The following CAMK2A variants were observed in gnomAD, a reference collection of about 807,000 sequenced individuals.
CAMK2A encodes the protein calcium/calmodulin dependent protein kinase II alpha, also known as calcium/calmodulin-dependent protein kinase type II subunit alpha.
CAMK2A carries 7 observed loss-of-function variants against 79.2 expected under a neutral mutation model. The ratio of observed to expected loss-of-function variants is 0.09; its 90% CI spans 0.05 to 0.17. The LOEUF (loss-of-function observed/expected upper bound fraction) is 0.17, where lower values mean the gene tolerates loss of function less well. CAMK2A is among the 10% of genes least tolerant of loss of function. The pLI is 1.00. For synonymous variants in CAMK2A, 242 were observed against 251.7 expected (o/e 0.96, Z 0.36); for missense variants, 214 against 646.4 (o/e 0.33, Z 7.25).
Position 150,244,090 on chromosome 5 carries a change from G to C in CAMK2A, c.984+1071C>G, listed in dbSNP as rs369412621. On this transcript the variant is annotated intron_variant, in intron 13 of 18. Transcript: ENST00000671881. ...CCAAGATGAGAAGGGAGAATGATTA[G>C]ATAGGATTTTATTGCTTTTTTTGTT... Among the ~76,000 whole-genome samples, 19 of 152,114 alleles carry C rather than the reference G, an allele frequency of 1.2e-4. No homozygotes were observed. The East Asian group carries it at 3.7e-3, about 29-fold the overall frequency.
chr5:150,251,840 G>A lies in CAMK2A; in HGVS notation c.603C>T (p.Val201=). Residue 201 remains valine (V), a synonymous_variant, in exon 9 of 19, where the codon GTC becomes GTT. Transcript: ENST00000671881. ...GKPVDLWACG[V]ILYILLVGYP... ...ACCCAACCAGCAGGATGTACAGGAT[G>A]ACCCCTGGAAAGAGGACCAGAGAAC... 1.9e-6 allele frequency: 3 copies of A among 1,598,476 alleles called. No homozygotes were observed. Among genetic ancestry groups the A allele is most frequent in the Non-Finnish European group, 2.6e-6 (3 of 1,171,702 alleles).
rs756378845 is a variant in CAMK2A at position 150,273,176 on chromosome 5, G to T, written c.63-17C>A. ...AAGGCTCCCCTAGGAGGACAGAGAAGGTGGAGAGGGTGAGGGAATGCCTGA... is the reference window on the plus strand; with the variant it reads ...AAGGCTCCCCTAGGAGGACAGAGAATGTGGAGAGGGTGAGGGAATGCCTGA... On this transcript the variant is annotated splice_polypyrimidine_tract_variant and intron_variant, in intron 1 of 18. Coordinates refer to ENST00000671881, the MANE Select transcript of CAMK2A (RefSeq NM_015981.4). 2 of 1,593,964 alleles carry T rather than the reference G, an allele frequency of 1.3e-6. No homozygotes were observed. The highest frequency in any genetic ancestry group is 1.1e-5 in the South Asian group (1 of 90,630).
intron 16 of CAMK2A, among the ~76,000 whole-genome samples, chr5:150,228,733 A>G (rs1433769031): frequency 6.6e-6 from 1 of 152,102 alleles, no homozygotes; most frequent in African/African-American, 2.4e-5. Context: ...CTTTTCCTTC[A>G]CATAAAAGTG....
At chr5:150,264,505 T>C (rs1756423785) in intron 3 of CAMK2A, among the ~76,000 whole-genome samples, 1 of 152,218 alleles carries the variant, frequency 6.6e-6, no homozygotes, top group Admixed American at 6.5e-5. Flanking sequence ...CCATGCAGCC[T>C]GTGCCCGGCC....
rs748564351 is a variant in CAMK2A, at chr5:150,289,759, G to C, written c.-134C>G. The C allele has an allele frequency of 3.0e-6, 2 of 655,846 alleles. No homozygotes were observed. Among genetic ancestry groups the C allele is most frequent in the Non-Finnish European group, 5.3e-6 (2 of 377,374 alleles). The allele number at this position is 655,846 out of a possible 1,614,324, so 40.6% of individuals were successfully genotyped here. A position where few individuals can be genotyped will look rare whatever the true frequency, so the allele number is the denominator to read the frequency against. On this transcript the variant is annotated 5_prime_UTR_variant, in exon 1 of 19. Coordinates refer to ENST00000671881, the MANE Select transcript of CAMK2A (RefSeq NM_015981.4). ...CAAACAGAGAACCGGTTTGACTGAC[G>C]AGCCCGGGGCTTCTGAGCAGGGCAC...
chr5:150,228,321 G>GT, intron 16 of CAMK2A, 35 bp from the exon 17 acceptor site: 6 of 1,524,266 alleles, frequency 3.9e-6, no homozygotes, highest in Non-Finnish European at 5.4e-6. Flanking sequence ...GAGGGACTGG[G>GT]GCGGCTTCTC....
At position 150,221,458 on chromosome 5, in the gene CAMK2A, G is replaced by A. The variant is rs1432567801; in HGVS notation, c.*1252C>T. 3 of 398,544 alleles carry A rather than the reference G, an allele frequency of 7.5e-6. No individual in the cohort carries two copies. Among genetic ancestry groups the A allele is most frequent in the Admixed American group, 8.8e-5 (2 of 22,706 alleles). The allele number at this position is 398,544 out of a possible 1,614,324, so 24.7% of individuals were successfully genotyped here. A position where few individuals can be genotyped will look rare whatever the true frequency, so the allele number is the denominator to read the frequency against. On this transcript the variant is annotated 3_prime_UTR_variant, in exon 19 of 19. Transcript: ENST00000671881. ...GAGGTGGGTGGGGGGTGCTGGGGGC[G>A]GCACACAGATATGGTGAGATGAAAT...
chr5:150,275,550 C>T (rs1002190313), intron 1 of CAMK2A, among the ~76,000 whole-genome samples: 3 of 152,142 alleles, frequency 2.0e-5, no homozygotes, highest in Non-Finnish European at 4.4e-5. Flanking sequence ...CTCAGGTTAC[C>T]CACAATTCTG....
chr5:150,273,246 C>A, intron 1 of CAMK2A, 87 bp from the exon 2 acceptor site: 1 of 986,764 alleles, frequency 1.0e-6, no homozygotes, highest in Non-Finnish European at 1.6e-6. Context: ...CACTGCCCCA[C>A]GCTAGACAGA....
chr5:150,257,980 A>G (rs1385745320), intron 3 of CAMK2A, among the ~76,000 whole-genome samples: 1 of 152,230 alleles, frequency 6.6e-6, no homozygotes, highest in Admixed American at 6.5e-5. Flanking sequence ...GCAAGTTGCT[A>G]GGCCTTTCTG....
chr5:150,271,854 T>C (rs1223615462), intron 2 of CAMK2A, among the ~76,000 whole-genome samples: 1 of 152,200 alleles, frequency 6.6e-6, no homozygotes, highest in Non-Finnish European at 1.5e-5. Flanking sequence ...CGGTGTCTTG[T>C]TAAAATGCAG....
intron 17 of CAMK2A, among the ~76,000 whole-genome samples, chr5:150,226,358 AG>A (rs1359474456): frequency 6.6e-6 from 1 of 152,102 alleles, no homozygotes; most frequent in Non-Finnish European, 1.5e-5. Context: ...TATGATGAAG[AG>A]CTGGACTAGA....
chr5:150,278,876 G>A (rs1463051419), intron 1 of CAMK2A, among the ~76,000 whole-genome samples: 1 of 152,170 alleles, frequency 6.6e-6, no homozygotes, highest in African/African-American at 2.4e-5. Flanking sequence ...CCCTAGGTAT[G>A]AGGCGTGCAT....
In CAMK2A at chr5:150,284,562, C is replaced by G. The variant is rs983279485; in HGVS notation, c.62+5002G>C. The stretch of plus-strand genomic sequence containing the variant: ...GTCTCAGCCTGTGTGGGGGCGGCTG[C>G]GCGGGGGCGGAGGGCTGCAGCGTGC... On this transcript the variant is annotated intron_variant, in intron 1 of 18. Transcript: ENST00000671881. This position sits in a 1 kb window ranked among gnomAD's most constrained non-coding sequence, Gnocchi z 5.3. Among the ~76,000 whole-genome samples, 1 of 152,006 alleles carries G rather than the reference C, an allele frequency of 6.6e-6. No homozygotes were observed. Among genetic ancestry groups the G allele is most frequent in the African/African-American group, 2.4e-5 (1 of 41,386 alleles).
chr5:150,255,372 C>A (rs549936925), intron 6 of CAMK2A, among the ~76,000 whole-genome samples: 2 of 151,628 alleles, frequency 1.3e-5, no homozygotes, highest in African/African-American at 4.8e-5. Context: ...CTCTTCAGAG[C>A]ATTGTGCCCC....
At chr5:150,222,851 G>T in intron 18 of CAMK2A, 138 bp from the exon 19 acceptor site, 3 of 1,383,696 alleles carry the variant, frequency 2.2e-6, no homozygotes, top group Non-Finnish European at 3.1e-6. Flanking sequence ...TGCAGGCCTG[G>T]CCCCCTTCTT....
At position 150,256,650 on chromosome 5, in the gene CAMK2A, GGA is replaced by G. The variant is rs765207733; in HGVS notation, c.339-7_339-6del. 4 of 1,613,540 alleles carry G rather than the reference GGA, an allele frequency of 2.5e-6. No homozygotes were observed. The highest frequency in any genetic ancestry group is 3.4e-6 in the Non-Finnish European group (4 of 1,179,538). On this transcript the variant is annotated splice_polypyrimidine_tract_variant and splice_region_variant and intron_variant, in intron 5 of 18. Coordinates refer to ENST00000671881, the MANE Select transcript of CAMK2A (RefSeq NM_015981.4). The surrounding 1 kb of genome is among the most constrained non-coding windows in gnomAD (Gnocchi z 4.6). ...AGGATCTGCTGGATACAGTGACTAGGGAGAGAGAGAGGAAGGGGTCATGGTGG... is the reference window on the plus strand; with the variant it reads ...AGGATCTGCTGGATACAGTGACTAGGGAGAGAGAGGAAGGGGTCATGGTGG...
Position 150,225,227 on chromosome 5 carries a change from G to T in CAMK2A, c.1238-2010C>A, listed in dbSNP as rs570652552. Among the ~76,000 whole-genome samples the T allele has an allele frequency of 1.3e-4, 20 of 152,270 alleles. No homozygotes were observed. The South Asian group carries it at 4.1e-3, about 32-fold the overall frequency. On this transcript the variant is annotated intron_variant, in intron 17 of 18. Coordinates refer to ENST00000671881, the MANE Select transcript of CAMK2A (RefSeq NM_015981.4). ...GGGGCACTGGGCCTTGCTGCAGTCAGCAAGGGCTGGAGTCCTAGGAGGCAT... is the reference window on the plus strand; with the variant it reads ...GGGGCACTGGGCCTTGCTGCAGTCATCAAGGGCTGGAGTCCTAGGAGGCAT...
chr5:150,289,933 C>T, upstream of CAMK2A: 2 of 432,950 alleles, frequency 4.6e-6, no homozygotes, highest in Non-Finnish European at 8.5e-6. Flanking sequence ...GACGCCCTGA[C>T]CATACCGCAC....
Sources: allele counts gnomAD v4.1 joint callset (sites outside exome capture counted in the v4.1 genomes callset), GRCh38; gene constraint gnomAD v4.1.1; non-coding constraint Gnocchi (gnomAD v3.1); transcripts MANE v1.5; gene names NCBI Gene and HGNC (gene_info 2026-07-23, HGNC 2026-07-21).